The following TMC1 variants were observed in gnomAD, a reference collection of about 807,000 sequenced individuals.
The protein encoded by TMC1 is transmembrane channel like 1.
Under a neutral mutation model 105.8 loss-of-function variants are expected in TMC1, and 84 were observed. That is an observed-to-expected ratio of 0.79 (90% CI 0.67 to 0.95). TMC1 has a LOEUF of 0.95. TMC1 is among the 40% of genes least tolerant of loss of function. TMC1 has a pLI of 0.00. For synonymous variants in TMC1, 315 were observed against 311.5 expected (o/e 1.01, Z -0.12); for missense variants, 817 against 914.1 (o/e 0.89, Z 1.37).
chr9:72,545,058 C>G (rs1041878397), intron 1 of TMC1, among the ~76,000 whole-genome samples: 4 of 151,902 alleles, frequency 2.6e-5, no homozygotes, highest in African/African-American at 9.7e-5. Context: ...ATTCCTGAGT[C>G]TCCAATTCCA....
At chr9:72,719,289 A>G (rs1459297983) in intron 8 of TMC1, among the ~76,000 whole-genome samples, 2 of 152,154 alleles carry the variant, frequency 1.3e-5, no homozygotes, top group Non-Finnish European at 2.9e-5. Context: ...TTCCTCTGGC[A>G]GCCCTCCTCA....
At chr9:72,725,438 G>C (rs1407002470) in intron 8 of TMC1, among the ~76,000 whole-genome samples, 3 of 147,206 alleles carry the variant, frequency 2.0e-5, no homozygotes, top group Non-Finnish European at 3.0e-5. Context: ...ATGATCACAA[G>C]GTTCCACAAC....
At chr9:72,693,222 A>G (rs1417510000) in intron 6 of TMC1, among the ~76,000 whole-genome samples, 1 of 152,226 alleles carries the variant, frequency 6.6e-6, no homozygotes, top group East Asian at 1.9e-4. Flanking sequence ...TATCAATAAA[A>G]AAGTTTTAAC....
chr9:72,776,027 T>C (rs1005692225), intron 13 of TMC1, among the ~76,000 whole-genome samples: 1 of 152,142 alleles, frequency 6.6e-6, no homozygotes, highest in Non-Finnish European at 1.5e-5. Flanking sequence ...ACCTCCAACA[T>C]TGAGATCAAA....
At chr9:72,522,250 C>T (rs1315626336) in intron 1 of TMC1, among the ~76,000 whole-genome samples, 1 of 150,844 alleles carries the variant, frequency 6.6e-6, no homozygotes, top group Admixed American at 6.6e-5. Flanking sequence ...TACAGGCGCC[C>T]GCCATCACGC....
At chr9:72,606,010 C>T (rs1167164758) in intron 2 of TMC1, among the ~76,000 whole-genome samples, 1 of 152,128 alleles carries the variant, frequency 6.6e-6, no homozygotes, top group East Asian at 1.9e-4. Context: ...GAGGCTCTAT[C>T]TGCAAATGCC....
intron 2 of TMC1, among the ~76,000 whole-genome samples, chr9:72,580,605 A>G (rs962777933): frequency 4.6e-5 from 7 of 152,244 alleles, no homozygotes; most frequent in African/African-American, 1.7e-4. Flanking sequence ...TACACCACAC[A>G]TACAAGCACA....
chr9:72,767,682 C>A (rs7863483), intron 12 of TMC1, among the ~76,000 whole-genome samples: 1 of 152,170 alleles, frequency 6.6e-6, no homozygotes, highest in Non-Finnish European at 1.5e-5. Context: ...AGACAACACA[C>A]GAGCATGGCA....
At chr9:72,770,206 T>C (rs1185542087) in intron 12 of TMC1, among the ~76,000 whole-genome samples, 1 of 151,796 alleles carries the variant, frequency 6.6e-6, no homozygotes, top group Non-Finnish European at 1.5e-5. Context: ...CCAAATGTTC[T>C]GTTGGATGGC....
At chr9:72,676,484 A>G (rs1470758108) in intron 5 of TMC1, among the ~76,000 whole-genome samples, 1 of 152,172 alleles carries the variant, frequency 6.6e-6, no homozygotes, top group Non-Finnish European at 1.5e-5. Context: ...TTATTATTAT[A>G]TTTAGTTCTC....
At chr9:72,782,703 G>T (rs1828112292) in intron 13 of TMC1, among the ~76,000 whole-genome samples, 2 of 152,084 alleles carry the variant, frequency 1.3e-5, no homozygotes, top group Admixed American at 6.6e-5. Flanking sequence ...GCCACAAAAA[G>T]AATATAATAT....
At chr9:72,527,182 G>C (rs1330170264) in intron 1 of TMC1, among the ~76,000 whole-genome samples, 5 of 152,096 alleles carry the variant, frequency 3.3e-5, no homozygotes, top group Non-Finnish European at 5.9e-5. Flanking sequence ...CAGGCCTGTG[G>C]GTAATACTGC....
intron 12 of TMC1, among the ~76,000 whole-genome samples, chr9:72,768,347 T>A (rs1564541660): frequency 6.6e-6 from 1 of 152,048 alleles, no homozygotes; most frequent in Non-Finnish European, 1.5e-5. Context: ...AGGGGAGGGA[T>A]AGCATTAGAA....
At chr9:72,757,013 A>T (rs750799112) in intron 12 of TMC1, among the ~76,000 whole-genome samples, 2 of 152,156 alleles carry the variant, frequency 1.3e-5, no homozygotes, top group Non-Finnish European at 2.9e-5. Flanking sequence ...GTGAAATATG[A>T]TTTGTCGGTC....
At chr9:72,687,313 A>T (rs1826394270) in intron 5 of TMC1, among the ~76,000 whole-genome samples, 1 of 152,140 alleles carries the variant, frequency 6.6e-6, no homozygotes, top group South Asian at 2.1e-4. Flanking sequence ...TGTTAATCTT[A>T]TATCATTAAA....
intron 13 of TMC1, among the ~76,000 whole-genome samples, chr9:72,779,951 A>G (rs1159728524): frequency 6.6e-6 from 1 of 152,178 alleles, no homozygotes; most frequent in Non-Finnish European, 1.5e-5. Context: ...CATCCCCAAG[A>G]CACATAGCCC....
chr9:72,547,982 A>G (rs1174642497), intron 1 of TMC1, among the ~76,000 whole-genome samples: 1 of 152,138 alleles, frequency 6.6e-6, no homozygotes, highest in African/African-American at 2.4e-5. Flanking sequence ...CATGGCAGAG[A>G]GCAGAGAACA....
At chr9:72,694,487 G>A (rs1421950493) in intron 6 of TMC1, 56 bp from the exon 7 acceptor site, 37 of 1,497,438 alleles carry the variant, frequency 2.5e-5, no homozygotes, top group Non-Finnish European at 3.3e-5. Flanking sequence ...GAATAAGCTT[G>A]GTAGTGGGAG....
intron 18 of TMC1, among the ~76,000 whole-genome samples, chr9:72,809,302 AGT>A (rs1454065404): frequency 6.6e-6 from 1 of 152,226 alleles, no homozygotes; most frequent in Non-Finnish European, 1.5e-5. Context: ...GACTGCTGAC[AGT>A]GTTCCTGGGT....
Sources: gnomAD v4.1 joint callset for allele counts (sites outside exome capture counted in the v4.1 genomes callset) on GRCh38, gnomAD v4.1.1 for gene constraint, MANE v1.5 for transcripts, NCBI Gene and HGNC (gene_info 2026-07-23, HGNC 2026-07-21) for gene names.